The following TMEM132A variants were observed in gnomAD, a reference collection of about 807,000 sequenced individuals.
TMEM132A encodes the protein GRP78-binding protein.
Under a neutral mutation model 69.9 loss-of-function variants are expected in TMEM132A, and 48 were observed. The ratio of observed to expected loss-of-function variants is 0.69; its 90% CI spans 0.55 to 0.87. The LOEUF is 0.87. TMEM132A is among the 40% of genes least tolerant of loss of function. The pLI, the probability that TMEM132A is intolerant of heterozygous loss-of-function variation, is 0.00. For missense variants in TMEM132A, 1,287 were observed against 1,407.2 expected (o/e 0.91, Z 1.37); for synonymous variants, 577 against 613.7 (o/e 0.94, Z 0.88).
In TMEM132A at chr11:60,933,533, C is replaced by T. The variant is rs1233029696; in HGVS notation, c.1357-9C>T. 6.2e-7 allele frequency: 1 copy of T among 1,603,848 alleles called. No individual in the cohort carries two copies. Among genetic ancestry groups the T allele is most frequent in the East Asian group, 2.2e-5 (1 of 44,758 alleles). The stretch of plus-strand genomic sequence containing the variant: ...TTAGCCCGCCCACCTGCCCTCTGCC[C>T]TTCCATAGGTGTCTGAGGCCTGTGA... On this transcript the variant is annotated splice_polypyrimidine_tract_variant and intron_variant, in intron 7 of 10. Transcript: ENST00000453848.
rs772710922 is a variant in TMEM132A, at chr11:60,934,605, G to A, written c.1677G>A (p.Leu559=). Residue 559 remains leucine (L), a synonymous_variant, in exon 9 of 11, where the codon CTG becomes CTA. Coordinates refer to ENST00000453848, the MANE Select transcript of TMEM132A (RefSeq NM_178031.3). ...TCGCCCCCTTCGCGGCCCACCCGCTGGACGGCGGCCGCCGCCTCACGCACC... is the reference window on the plus strand; with the variant it reads ...TCGCCCCCTTCGCGGCCCACCCGCTAGACGGCGGCCGCCGCCTCACGCACC... ...RFLAPFAAHP[L]DGGRRLTHLL... The A allele has an allele frequency of 2.5e-5, 39 of 1,577,270 alleles. No homozygotes were observed. Among genetic ancestry groups the A allele is most frequent in the Admixed American group, 1.2e-4 (7 of 57,224 alleles).
intron 7 of TMEM132A, chr11:60,932,370 C>G (rs1009193202): frequency 7.2e-6 from 3 of 414,760 alleles, no homozygotes; most frequent in African/African-American, 6.1e-5. Flanking sequence ...CTGGCAAGTG[C>G]GCTGGCCTGA....
chr11:60,931,937 C>T, intron 6 of TMEM132A, 47 bp from the exon 7 acceptor site: 9 of 1,613,966 alleles, frequency 5.6e-6, no homozygotes, highest in Non-Finnish European at 7.6e-6. Flanking sequence ...GTCCCAGGAG[C>T]CCCATGAGCT....
intron 1 of TMEM132A, chr11:60,926,667 A>G (rs569289458): frequency 4.5e-5 from 8 of 178,934 alleles, no homozygotes; most frequent in Non-Finnish European, 9.3e-5. Flanking sequence ...CCACACTTGC[A>G]CTCGATACCA....
rs1310593811 is a variant in TMEM132A at position 60,935,271 on chromosome 11, A to T, written c.1856A>T (p.Asp619Val). 3.1e-6 allele frequency: 5 copies of T among 1,610,682 alleles called. No homozygotes were observed. The highest frequency in any genetic ancestry group is 2.2e-5 in the East Asian group (1 of 44,808). The stretch of plus-strand genomic sequence containing the variant: ...CCTCAGGTGCGTTCCCCACTGTCTG[A>T]CTCCATCCTGGGGGAGCAGGCGCTG... ...TSIEVRSPLSDSILGEQALAV... is the reference protein window; with the variant it reads ...TSIEVRSPLSVSILGEQALAV... The change falls in exon 10 of 11, where the codon GAC becomes GTC. Residue 619 changes from aspartate (D) to valine (V), a missense_variant. Asp to Val is a radical substitution (Grantham distance 152). Transcript: ENST00000453848. This position sits in a 1 kb window ranked among gnomAD's most constrained non-coding sequence, Gnocchi z 5.0.
chr11:60,935,720 T>C lies in TMEM132A; in HGVS notation c.2029-144T>C. ...AGACAGGTGATTGACACGCGTCCCC[T>C]CTCTCCCTGTGTTTTGTCTATCTGC... On this transcript the variant is annotated intron_variant, in intron 10 of 10. Coordinates refer to ENST00000453848, the MANE Select transcript of TMEM132A (RefSeq NM_178031.3). The surrounding 1 kb of genome is among the most constrained non-coding windows in gnomAD (Gnocchi z 5.0). The C allele has an allele frequency of 9.8e-7, 1 of 1,018,672 alleles. No homozygotes were observed. Among genetic ancestry groups the C allele is most frequent in the Non-Finnish European group, 1.4e-6 (1 of 690,500 alleles). The allele number at this position is 1,018,672 out of a possible 1,614,324, so 63.1% of individuals were successfully genotyped here. A position where few individuals can be genotyped will look rare whatever the true frequency, so the allele number is the denominator to read the frequency against.
chr11:60,934,828 C>G, intron 9 of TMEM132A, 64 bp downstream of exon 9: 3 of 1,494,330 alleles, frequency 2.0e-6, no homozygotes, highest in Non-Finnish European at 2.7e-6. Context: ...CCAAAATGTT[C>G]GTGGGTGGGA....
chr11:60,928,646 C>T lies in TMEM132A; in HGVS notation c.552C>T (p.Cys184=), dbSNP rs763429462. The change falls in exon 4 of 11, where the codon TGC becomes TGT. Residue 184 remains cysteine, a synonymous_variant. Transcript: ENST00000453848. ...ACRFQPSLGA[C]VVELELPSHW... is the part of the protein sequence containing the mutation. Reference sequence around the variant, plus strand: ...CTTCACAGCCATCCCTGGGCGCCTGCGTGGTGGAGCTGGAGCTTCCCTCGC... The same window carrying T: ...CTTCACAGCCATCCCTGGGCGCCTGTGTGGTGGAGCTGGAGCTTCCCTCGC... 9.9e-6 allele frequency: 16 copies of T among 1,609,170 alleles called. No homozygotes were observed. Among genetic ancestry groups the T allele is most frequent in the Admixed American group, 5.0e-5 (3 of 59,970 alleles).
At position 60,935,965 on chromosome 11, in the gene TMEM132A, G is replaced by C. The variant is rs200183082; in HGVS notation, c.2130G>C (p.Glu710Asp). Residue 710 changes from glutamate (E) to aspartate (D), a missense_variant, in exon 11 of 11, where the codon GAG (glutamate) becomes GAC (aspartate). By Grantham distance (45) the Glu-to-Asp change is conservative (BLOSUM62 2). Coordinates refer to ENST00000453848, the MANE Select transcript of TMEM132A (RefSeq NM_178031.3). This position sits in a 1 kb window ranked among gnomAD's most constrained non-coding sequence, Gnocchi z 5.0. ...TGGGACTGTCCGTCTCAGCCGAGGA[G>C]CCTGGTGCCATCCTGCCAGCTGAGG... is the stretch of plus-strand genomic sequence containing the variant. Reference protein sequence around the residue: ...RDLGLSVSAEEPGAILPAEEQ... With the variant: ...RDLGLSVSAEDPGAILPAEEQ... 1.9e-6 allele frequency: 3 copies of C among 1,611,452 alleles called. No homozygotes were observed. The highest frequency in any genetic ancestry group is 2.5e-6 in the Non-Finnish European group (3 of 1,179,892).
chr11:60,934,711 C>T lies in TMEM132A; in HGVS notation c.1783C>T (p.Leu595=). Residue 595 remains leucine, a synonymous_variant, in exon 9 of 11, where the codon CTG becomes TTG. Transcript: ENST00000453848. ...CGTGCTGGACTCGCGTGTAGCCTCTCTGGAGGGTGGCCGTGTCGTGGTGGG... is the reference window on the plus strand; with the variant it reads ...CGTGCTGGACTCGCGTGTAGCCTCTTTGGAGGGTGGCCGTGTCGTGGTGGG... ...ARVLDSRVAS[L]EGGRVVVGRE... is the part of the protein sequence containing the mutation. The T allele has an allele frequency of 6.2e-7, 1 of 1,607,846 alleles. No homozygotes were observed. Among genetic ancestry groups the T allele is most frequent in the South Asian group, 1.1e-5 (1 of 90,790 alleles).
chr11:60,933,642 T>A lies in TMEM132A; in HGVS notation c.1457T>A (p.Leu486Gln), dbSNP rs751243477. 4 of 1,605,798 alleles carry A rather than the reference T, an allele frequency of 2.5e-6. No homozygotes were observed. In the East Asian group the frequency reaches 8.9e-5, roughly 36 times the overall value. Reference sequence around the variant, plus strand: ...TGGTGGCGCCGGCTCCGCGCCTCGCTGCGGCTGACCGTGTGGGCCCCCCTG... The same window carrying A: ...TGGTGGCGCCGGCTCCGCGCCTCGCAGCGGCTGACCGTGTGGGCCCCCCTG... The part of the protein sequence containing the change: ...DFWWRRLRAS[L>Q]RLTVWAPLLP... Residue 486 changes from leucine to glutamine, a missense_variant, in exon 8 of 11, where the codon CTG (leucine) becomes CAG (glutamine). Physicochemically the swap from Leu to Gln is moderately radical, Grantham distance 113 (BLOSUM62 -2). Transcript: ENST00000453848.
At position 60,937,054 on chromosome 11, in the gene TMEM132A, C is replaced by T; in HGVS notation, c.*147C>T. On this transcript the variant is annotated 3_prime_UTR_variant, in exon 11 of 11. Transcript: ENST00000453848. ...CCACAAGGACTCCCATCCAGGCCCC[C>T]TCTGCCCTGCCCCTTGTCATGGACC... 1.5e-6 allele frequency: 2 copies of T among 1,294,210 alleles called. No homozygotes were observed. The highest frequency in any genetic ancestry group is 2.8e-5 in the Admixed American group (1 of 35,992). The allele number at this position is 1,294,210 out of a possible 1,614,324, so 80.2% of individuals were successfully genotyped here.
chr11:60,934,972 G>T (rs1856556882), intron 9 of TMEM132A, among the ~76,000 whole-genome samples: 1 of 152,196 alleles, frequency 6.6e-6, no homozygotes, highest in African/African-American at 2.4e-5. Context: ...GAAGGGCTGA[G>T]GTGTGGGTAG....
chr11:60,928,492 G>A (rs1033681469), intron 3 of TMEM132A, 137 bp from the exon 4 acceptor site: 5 of 800,676 alleles, frequency 6.2e-6, no homozygotes, highest in Non-Finnish European at 2.0e-6. Context: ...GTGTCACTCA[G>A]GCTGTGTCTC....
Position 60,936,136 on chromosome 11 carries a change from C to T in TMEM132A, c.2301C>T (p.Pro767=), listed in dbSNP as rs1159561080. The T allele has an allele frequency of 6.2e-7, 1 of 1,613,726 alleles. No homozygotes were observed. The highest frequency in any genetic ancestry group is 8.5e-7 in the Non-Finnish European group (1 of 1,179,880). ...CTGGCACCGCCTGGCTGGGGCTGCC[C>T]CCTGCCTCCACTCCAGCCCCTGCTC... ...LASGTAWLGL[P]PASTPAPALP... is the part of the protein sequence containing the mutation. The change falls in exon 11 of 11, where the codon CCC becomes CCT. Residue 767 remains proline (P), a synonymous_variant. Coordinates refer to ENST00000453848, the MANE Select transcript of TMEM132A (RefSeq NM_178031.3).
Position 60,936,226 on chromosome 11 carries a change from G to A in TMEM132A, c.2391G>A (p.Val797=). Residue 797 remains valine, a synonymous_variant, in exon 11 of 11, where the codon GTG becomes GTA. Coordinates refer to ENST00000453848, the MANE Select transcript of TMEM132A (RefSeq NM_178031.3). ...CCACCATGGGTGGTAAACGGCAGGT[G>A]GCAGGCAGTGTCGGGGGCAACACAG... ...TEATMGGKRQ[V]AGSVGGNTGV... is the part of the protein sequence containing the mutation. 1.9e-6 allele frequency: 3 copies of A among 1,614,138 alleles called. No homozygotes were observed. Among genetic ancestry groups the A allele is most frequent in the Non-Finnish European group, 2.5e-6 (3 of 1,179,984 alleles).
intron 5 of TMEM132A, 110 bp downstream of exon 5, chr11:60,930,769 AC>A: frequency 1.8e-6 from 2 of 1,092,436 alleles, no homozygotes; most frequent in Non-Finnish European, 1.3e-6. Flanking sequence ...AGGTGAGCAG[AC>A]CCAAGGACAG....
chr11:60,927,138 T>A, intron 1 of TMEM132A, 66 bp from the exon 2 acceptor site: 1 of 1,383,700 alleles, frequency 7.2e-7, no homozygotes, highest in Non-Finnish European at 1.0e-6. Flanking sequence ...TGCCCCAGCA[T>A]GGCACCCGGG....
Position 60,927,267 on chromosome 11 carries a change from C to A in TMEM132A, c.164C>A (p.Ala55Asp). The A allele has an allele frequency of 1.9e-6, 3 of 1,613,624 alleles. No individual in the cohort carries two copies. The highest frequency in any genetic ancestry group is 2.5e-6 in the Non-Finnish European group (3 of 1,179,990). Residue 55 changes from alanine (A) to aspartate (D), a missense_variant, in exon 2 of 11, where the codon GCC (alanine) becomes GAC (aspartate). Ala to Asp is a moderately radical substitution (Grantham distance 126, BLOSUM62 -2). Transcript: ENST00000453848. ...CCGGCAGCCCTGGAGCTCCTAGACG[C>A]CCCTGAACACTTCCGTGTGCAGCAG... ...YLPAALELLD[A>D]PEHFRVQQVG...
Sources: allele counts gnomAD v4.1 joint callset (sites outside exome capture counted in the v4.1 genomes callset), GRCh38; gene constraint gnomAD v4.1.1; non-coding constraint Gnocchi (gnomAD v3.1); transcripts MANE v1.5; gene names NCBI Gene and HGNC (gene_info 2026-07-23, HGNC 2026-07-21).